Variants in VPS13A observed in about 807,000 individuals in gnomAD.
VPS13A encodes intermembrane lipid transfer protein VPS13A.
In VPS13A, 264 loss-of-function variants were observed where a neutral mutation model predicts 390.9. The ratio of observed to expected loss-of-function variants is 0.68; its 90% confidence interval spans 0.61 to 0.75. The LOEUF (loss-of-function observed/expected upper bound fraction) is 0.75, where lower values mean the gene tolerates loss of function less well. Ranked by LOEUF, VPS13A falls within the 30% of genes least tolerant of loss-of-function variation. VPS13A has a pLI of 0.00. For missense variants in VPS13A, 3,409 were observed against 3,733.9 expected, an observed-to-expected ratio of 0.91 and a Z score of 2.27; for synonymous variants, 1,231 against 1,227.1, an observed-to-expected ratio of 1.00 and a Z score of -0.07.
rs191241300 is a variant in VPS13A at position 77,339,885 on chromosome 9, C to G, written c.6748C>G (p.Pro2250Ala). The G allele has an allele frequency of 5.6e-6, 9 of 1,612,164 alleles. No individual in the cohort carries two copies. Among genetic ancestry groups the G allele is most frequent in the East Asian group, 2.2e-5 (1 of 44,854 alleles). Reference protein sequence around the residue: ...YKKPVLFSFQPNHFFNNNKVQ... With the variant: ...YKKPVLFSFQANHFFNNNKVQ... Reference sequence around the variant, plus strand: ...AAAGCCAGTTCTCTTTTCTTTTCAGCCAAATCACTTTTTTAATAACAATAA... The same window carrying G: ...AAAGCCAGTTCTCTTTTCTTTTCAGGCAAATCACTTTTTTAATAACAATAA... The change falls in exon 48 of 72, where the codon CCA (proline) becomes GCA (alanine). Residue 2250 changes from proline to alanine, a missense_variant. By Grantham distance (27) the Pro-to-Ala change is conservative. Transcript: ENST00000360280.
At chr9:77,311,874 A>G (rs1369396349) in intron 35 of VPS13A, among the ~76,000 whole-genome samples, 1 of 152,222 alleles carries the variant, frequency 6.6e-6, no homozygotes, top group African/African-American at 2.4e-5. Flanking sequence ...TAGTAACAAT[A>G]GGATGTGAAA....
At chr9:77,250,863 C>T (rs1825114831) in intron 21 of VPS13A, among the ~76,000 whole-genome samples, 1 of 152,132 alleles carries the variant, frequency 6.6e-6, no homozygotes, top group Admixed American at 6.5e-5. Context: ...GGGAGAGACC[C>T]CAGACTCGTT....
In VPS13A at chr9:77,209,433, G is replaced by A; in HGVS notation, c.396G>A (p.Leu132=). 2 of 1,611,158 alleles carry A rather than the reference G, an allele frequency of 1.2e-6. No homozygotes were observed. The highest frequency in any genetic ancestry group is 1.7e-6 in the Non-Finnish European group (2 of 1,177,992). ...TATTTGCAATTGTAGAACAACATCT[G>A]CCGGAAAAACAGGACACTTTTGCAG... The part of the protein sequence containing the change: ...KQKVVDQEQH[L]PEKQDTFAEK... The change falls in exon 6 of 72, where the codon CTG becomes CTA. Residue 132 remains leucine, a synonymous_variant. Transcript: ENST00000360280.
At chr9:77,224,870 G>A (rs553479607) in intron 13 of VPS13A, among the ~76,000 whole-genome samples, 6 of 152,272 alleles carry the variant, frequency 3.9e-5, no homozygotes, top group East Asian at 3.9e-4. Context: ...GTCAATTGAT[G>A]TGGCAAACTT....
At chr9:77,388,335 G>C in intron 68 of VPS13A, among the ~76,000 whole-genome samples, 1 of 152,092 alleles carries the variant, frequency 6.6e-6, no homozygotes, top group East Asian at 1.9e-4. Flanking sequence ...TCAAAGGAAA[G>C]TAAAACAAAT....
At chr9:77,340,054 A>G in intron 48 of VPS13A, 124 bp from the exon 49 acceptor site, 1 of 1,336,672 alleles carries the variant, frequency 7.5e-7, no homozygotes, top group Non-Finnish European at 1.0e-6. Flanking sequence ...AGAATTTAAT[A>G]TTATAAAGGT....
At chr9:77,399,167 T>TAAAA (rs763173093) in intron 68 of VPS13A, among the ~76,000 whole-genome samples, 17 of 86,120 alleles carry the variant, frequency 2.0e-4, no homozygotes, top group African/African-American at 5.4e-4. Context: ...TAGAGTATAA[T>TAAAA]AAAAAAAAAA....
rs2131439945 is a variant in VPS13A, at chr9:77,318,421, T to C, written c.5143T>C (p.Leu1715=). The change falls in exon 41 of 72, where the codon TTG becomes CTG. Residue 1715 remains leucine, a synonymous_variant. Coordinates refer to ENST00000360280, the MANE Select transcript of VPS13A (RefSeq NM_033305.3). ...TGAAAAAATAGCTCCCACAACTGAA[T>C]TGGTACCCAAAGGCGAGATGATAAA... ...ETEKIAPTTE[L]VPKGEMIKMN... The C allele has an allele frequency of 1.2e-6, 2 of 1,613,906 alleles. No homozygotes were observed. The highest frequency in any genetic ancestry group is 1.7e-6 in the Non-Finnish European group (2 of 1,179,888).
chr9:77,202,521 T>C (rs1825390503), intron 3 of VPS13A, among the ~76,000 whole-genome samples: 1 of 152,158 alleles, frequency 6.6e-6, no homozygotes, highest in African/African-American at 2.4e-5. Flanking sequence ...TGAATGCATA[T>C]TTGGATATTG....
chr9:77,344,063 TAA>T (rs1830995148), intron 50 of VPS13A, 88 bp from the exon 51 acceptor site: 1 of 1,241,204 alleles, frequency 8.1e-7, no homozygotes, highest in Non-Finnish European at 1.1e-6. Context: ...TTTTATAGTT[TAA>T]GTCTATTCTG....
Position 77,319,629 on chromosome 9 carries a change from A to G in VPS13A, c.5371A>G (p.Ile1791Val), listed in dbSNP as rs528329049. The G allele has an allele frequency of 5.6e-6, 9 of 1,612,232 alleles. No homozygotes were observed. In the African/African-American group the frequency reaches 1.2e-4, roughly 22 times the overall value. The change falls in exon 42 of 72, where the codon ATT becomes GTT. Residue 1791 changes from isoleucine (I) to valine (V), a missense_variant. Transcript: ENST00000360280. ...VWEPLLEPLE[I>V]DQTEDFRPWN... is the part of the protein sequence containing the mutation. Reference sequence around the variant, plus strand: ...GGAGCCTTTGCTTGAACCCTTAGAAATTGATCAGACTGAGGATTTTAGACC... The same window carrying G: ...GGAGCCTTTGCTTGAACCCTTAGAAGTTGATCAGACTGAGGATTTTAGACC...
intron 42 of VPS13A, among the ~76,000 whole-genome samples, chr9:77,320,660 G>A (rs912182247): frequency 1.4e-4 from 22 of 151,962 alleles, no homozygotes; most frequent in African/African-American, 5.1e-4. Flanking sequence ...GGAATTCCTT[G>A]GTGGTTTTTA....
intron 68 of VPS13A, chr9:77,395,672 G>T (rs1230609502): frequency 1.3e-5 from 2 of 151,986 alleles, no homozygotes; most frequent in Admixed American, 1.3e-4. Flanking sequence ...TATTAGCATG[G>T]TGCCTAATAA....
chr9:77,185,523 G>C (rs1790217117), intron 1 of VPS13A, among the ~76,000 whole-genome samples: 1 of 152,128 alleles, frequency 6.6e-6, no homozygotes, highest in African/African-American at 2.4e-5. Flanking sequence ...TTTAGGGATT[G>C]GGGGAAAAAC....
intron 65 of VPS13A, 95 bp from the exon 66 acceptor site, chr9:77,370,795 A>G: frequency 5.9e-6 from 9 of 1,532,514 alleles, no homozygotes; most frequent in South Asian, 2.3e-5. Context: ...TGCTATATAA[A>G]AAGCAGAACT....
intron 23 of VPS13A, among the ~76,000 whole-genome samples, chr9:77,261,576 CAA>C (rs201037030): frequency 0.088 from 12,492 of 141,856 alleles, 622 homozygotes; most frequent in East Asian, 0.12. Context: ...ATTATTTTGC[CAA>C]AAAAAAAAAA....
At chr9:77,324,953 G>C (rs545161590) in intron 45 of VPS13A, among the ~76,000 whole-genome samples, 6 of 152,236 alleles carry the variant, frequency 3.9e-5, no homozygotes, top group East Asian at 1.9e-4. Flanking sequence ...TTCCACGGGT[G>C]GGGGGCTGGG....
At chr9:77,321,023 T>C (rs989377253) in intron 42 of VPS13A, 146 bp from the exon 43 acceptor site, 4 of 712,026 alleles carry the variant, frequency 5.6e-6, no homozygotes, top group Non-Finnish European at 9.3e-6. Context: ...TTGGCTGATG[T>C]CCAAGTAATT....
At chr9:77,402,033 C>T in intron 68 of VPS13A, among the ~76,000 whole-genome samples, 1 of 152,252 alleles carries the variant, frequency 6.6e-6, no homozygotes, top group Non-Finnish European at 1.5e-5. Context: ...AGGAACATAT[C>T]CCCCTGCAGA....
Sources: allele counts gnomAD v4.1 joint callset (sites outside exome capture counted in the v4.1 genomes callset), GRCh38; gene constraint gnomAD v4.1.1; transcripts MANE v1.5; gene names NCBI Gene and HGNC (gene_info 2026-07-23, HGNC 2026-07-21).